The following SAMD4B variants were observed in gnomAD, a reference collection of about 807,000 sequenced individuals.
SAMD4B encodes protein Smaug homolog 2.
Under a neutral mutation model 74.5 loss-of-function variants are expected in SAMD4B, and 5 were observed. That is an observed-to-expected ratio of 0.07 (90% confidence interval 0.04 to 0.14). The LOEUF (loss-of-function observed/expected upper bound fraction) is 0.14, where lower values mean the gene tolerates loss of function less well. Among genes scored for constraint, SAMD4B ranks in the 10% least tolerant of loss-of-function variants. The pLI is 1.00. For missense variants in SAMD4B, 608 were observed against 921.8 expected (o/e 0.66, Z 4.41); for synonymous variants, 373 against 374.9 (o/e 1.00, Z 0.06).
chr19:39,386,628 C>A (rs1043529649), downstream of SAMD4B: 1 of 1,605,522 alleles, frequency 6.2e-7, no homozygotes, highest in Non-Finnish European at 8.5e-7. The surrounding 1 kb of genome is among the most constrained non-coding windows in gnomAD (Gnocchi z 6.1). Flanking sequence ...GGGTTTTTGT[C>A]CCCCTCCTCA....
chr19:39,354,583 C>T (rs1309741431), intron 2 of SAMD4B, among the ~76,000 whole-genome samples: 2 of 105,802 alleles, frequency 1.9e-5, no homozygotes, highest in African/African-American at 8.5e-5. Context: ...GTATGGCTTG[C>T]GTTTTGGTCA....
In SAMD4B at chr19:39,376,936, G is replaced by C. The variant is rs1000812754; in HGVS notation, c.1104+145G>C. 6.3e-6 allele frequency: 4 copies of C among 638,028 alleles called. No homozygotes were observed. The Admixed American group carries it at 1.1e-4, about 18-fold the overall frequency. 39.5% of individuals were successfully genotyped at this position (638,028 alleles called of 1,614,324 possible). On this transcript the variant is annotated intron_variant, in intron 7 of 13. Coordinates refer to ENST00000610417, the MANE Select transcript of SAMD4B (RefSeq NM_001384574.2). ...GGGACCCAGACTTCAGGGACCACATGCAAGCCGGCATCAAAAGGCTCACTT... is the reference window on the plus strand; with the variant it reads ...GGGACCCAGACTTCAGGGACCACATCCAAGCCGGCATCAAAAGGCTCACTT...
chr19:39,348,913 C>G (rs1330493393), intron 1 of SAMD4B, among the ~76,000 whole-genome samples: 1 of 152,076 alleles, frequency 6.6e-6, no homozygotes, highest in Non-Finnish European at 1.5e-5. Flanking sequence ...ATGATAATAG[C>G]CAAGTCATTT....
In SAMD4B at chr19:39,383,094, C is replaced by A; in HGVS notation, c.1973-114C>A. The A allele has an allele frequency of 2.4e-6, 2 of 839,810 alleles. No individual in the cohort carries two copies. The highest frequency in any genetic ancestry group is 1.8e-5 in the Admixed American group (1 of 56,518). The allele number at this position is 839,810 out of a possible 1,614,324, so 52.0% of individuals were successfully genotyped here. A position where few individuals can be genotyped will look rare whatever the true frequency, so the allele number is the denominator to read the frequency against. ...TGTCCACCTCCTCCCGTTCTTCCCT[C>A]TCCCCCTCCATCTCTCTTGCTCCCT... On this transcript the variant is annotated intron_variant, in intron 12 of 13. Transcript: ENST00000610417. The surrounding 1 kb of genome is among the most constrained non-coding windows in gnomAD (Gnocchi z 4.1).
chr19:39,385,988 G>C, downstream of SAMD4B: 1 of 1,613,238 alleles, frequency 6.2e-7, no homozygotes, highest in Non-Finnish European at 8.5e-7. Flanking sequence ...AATGCCCTGG[G>C]ACTCAGTCAC....
At chr19:39,349,507 C>T (rs374470614) in intron 1 of SAMD4B, among the ~76,000 whole-genome samples, 33 of 152,284 alleles carry the variant, frequency 2.2e-4, no homozygotes, top group African/African-American at 7.5e-4. Context: ...ATACAAAAAG[C>T]TCATTCTTTG....
chr19:39,375,945 G>C lies in SAMD4B; in HGVS notation c.907+56G>C. On this transcript the variant is annotated intron_variant, in intron 5 of 13. Transcript: ENST00000610417. This position sits in a 1 kb window ranked among gnomAD's most constrained non-coding sequence, Gnocchi z 4.1. ...TTTCCAGGGGCTTCTGCAGAGCTTA[G>C]AGGACAGAAAGGAGCTTGTAGCTGA... The C allele has an allele frequency of 3.8e-6, 6 of 1,577,502 alleles. No individual in the cohort carries two copies. The highest frequency in any genetic ancestry group is 4.3e-6 in the Non-Finnish European group (5 of 1,165,346).
downstream of SAMD4B, chr19:39,387,240 G>T (rs2078272290): frequency 4.9e-6 from 2 of 408,200 alleles, no homozygotes; most frequent in African/African-American, 4.0e-5. Context: ...GCAGGCAATT[G>T]TAATACAATA....
At chr19:39,372,976 G>A (rs73033350) in intron 4 of SAMD4B, among the ~76,000 whole-genome samples, 1,699 of 152,262 alleles carry the variant, frequency 0.011, 36 homozygotes, top group Admixed American at 0.049. Flanking sequence ...TATTAAGGGT[G>A]GGCCACTGCC....
intron 1 of SAMD4B, among the ~76,000 whole-genome samples, chr19:39,349,644 T>C (rs888866419): frequency 1.3e-5 from 2 of 152,196 alleles, no homozygotes; most frequent in Non-Finnish European, 2.9e-5. Flanking sequence ...TGAAAGTGAG[T>C]TAACCCTAGG....
chr19:39,369,430 A>G lies in SAMD4B; in HGVS notation c.197-225A>G, dbSNP rs770904914. 1.1e-5 allele frequency: 6 copies of G among 559,652 alleles called. No homozygotes were observed. The Admixed American group carries it at 1.6e-4, about 15-fold the overall frequency. The allele number at this position is 559,652 out of a possible 1,614,324, so 34.7% of individuals were successfully genotyped here. On this transcript the variant is annotated intron_variant, in intron 3 of 13. Transcript: ENST00000610417. ...GCCACTGCACTGCAGCCTGGGCAAC[A>G]TAGTGAGACCCCATCTCTTAAAAAA...
In SAMD4B at chr19:39,383,720, A is replaced by G; in HGVS notation, c.*193A>G. 1.3e-6 allele frequency: 2 copies of G among 1,536,902 alleles called. No homozygotes were observed. The highest frequency in any genetic ancestry group is 1.7e-6 in the Non-Finnish European group (2 of 1,147,010). On this transcript the variant is annotated 3_prime_UTR_variant, in exon 14 of 14. Coordinates refer to ENST00000610417, the MANE Select transcript of SAMD4B (RefSeq NM_001384574.2). The surrounding 1 kb of genome is among the most constrained non-coding windows in gnomAD (Gnocchi z 4.1). ...TGCTCACTCCCAGGCCCGTCGAGGG[A>G]TCTCTGCTGAGGCCCGGGGAGTTGG...
At chr19:39,390,032 C>G (rs776734477), downstream of SAMD4B, 2 of 1,530,286 alleles carry the variant, frequency 1.3e-6, no homozygotes, top group Admixed American at 3.3e-5. Context: ...CTTCAAGGAA[C>G]TCATACCTGA....
At chr19:39,379,846 C>T (rs57479776) in intron 9 of SAMD4B, 120 bp from the exon 10 acceptor site, 45,663 of 806,154 alleles carry the variant, frequency 0.057, 1,634 homozygotes, top group African/African-American at 0.13. Context: ...GCTGGGATTA[C>T]AGCTTGAGCC....
intron 1 of SAMD4B, among the ~76,000 whole-genome samples, chr19:39,344,883 T>C (rs1318960684): frequency 6.6e-6 from 1 of 152,104 alleles, no homozygotes; most frequent in African/African-American, 2.4e-5. Context: ...CTTAACACCC[T>C]CCTTAGAGAC....
chr19:39,377,508 A>G lies in SAMD4B; in HGVS notation c.1128A>G (p.Leu376=). ...LEKDVLEGGN[L]RNALQELQQI... ...AGGATGTGCTGGAAGGCGGGAACCT[A>G]CGAAACGCTCTGCAGGAGCTGCAGC... The change falls in exon 8 of 14, where the codon CTA becomes CTG. Residue 376 remains leucine (L), a synonymous_variant. Transcript: ENST00000610417. The G allele has an allele frequency of 6.3e-7, 1 of 1,579,698 alleles. No homozygotes were observed. The highest frequency in any genetic ancestry group is 1.1e-5 in the South Asian group (1 of 87,390).
chr19:39,382,989 C>T (rs1307548888), intron 12 of SAMD4B, among the ~76,000 whole-genome samples: 2 of 152,104 alleles, frequency 1.3e-5, no homozygotes, highest in Non-Finnish European at 2.9e-5. Context: ...CTCTGCAAGT[C>T]GGGCTTTTTC....
At chr19:39,362,451 C>T (rs910106567) in intron 3 of SAMD4B, among the ~76,000 whole-genome samples, 4 of 152,162 alleles carry the variant, frequency 2.6e-5, no homozygotes, top group Admixed American at 6.5e-5. Context: ...GGAAGTCCTC[C>T]AGCACAGGCA....
downstream of SAMD4B, chr19:39,388,969 A>G: frequency 6.2e-7 from 1 of 1,614,166 alleles, no homozygotes; most frequent in Non-Finnish European, 8.5e-7. Flanking sequence ...GAAGACAGGC[A>G]TGACCTCCAC....
Sources: allele counts gnomAD v4.1 joint callset (sites outside exome capture counted in the v4.1 genomes callset), GRCh38; gene constraint gnomAD v4.1.1; non-coding constraint Gnocchi (gnomAD v3.1); transcripts MANE v1.5; gene names NCBI Gene and HGNC (gene_info 2026-07-23, HGNC 2026-07-21).